FNDC3B: variants seen among roughly 807,000 people sequenced by gnomAD.
FNDC3B encodes fibronectin type III domain-containing protein 3B.
Under a neutral mutation model 151.5 loss-of-function variants are expected in FNDC3B, and 12 were observed. The ratio of observed to expected loss-of-function variants is 0.08; its 90% CI spans 0.05 to 0.13. The LOEUF (loss-of-function observed/expected upper bound fraction) is 0.13. Ranked by LOEUF, FNDC3B falls within the 10% of genes least tolerant of loss-of-function variation. The pLI, the probability that FNDC3B is intolerant of heterozygous loss-of-function variation, is 1.00. For synonymous variants in FNDC3B, 528 were observed against 549.0 expected (o/e 0.96, Z 0.54); for missense variants, 1,214 against 1,505.3 (o/e 0.81, Z 3.20).
chr3:172,198,731 A>G (rs1478327280), intron 3 of FNDC3B, among the ~76,000 whole-genome samples: 1 of 152,162 alleles, frequency 6.6e-6, no homozygotes, highest in African/African-American at 2.4e-5. Context: ...CATCTTCCTT[A>G]TCCCACTCCT....
intron 1 of FNDC3B, among the ~76,000 whole-genome samples, chr3:172,045,317 T>C (rs1184912488): frequency 6.6e-6 from 1 of 152,240 alleles, no homozygotes; most frequent in Non-Finnish European, 1.5e-5. Context: ...AGTTGTACTA[T>C]ACATAAGTTG....
intron 3 of FNDC3B, among the ~76,000 whole-genome samples, chr3:172,154,928 T>G (rs1232389055): frequency 2.6e-5 from 4 of 152,100 alleles, no homozygotes; most frequent in African/African-American, 9.6e-5. Flanking sequence ...AGTCGGGGGC[T>G]GGTGATGTAC....
intron 1 of FNDC3B, among the ~76,000 whole-genome samples, chr3:172,069,174 C>T (rs1338302001): frequency 2.0e-5 from 3 of 152,160 alleles, no homozygotes; most frequent in Admixed American, 2.0e-4. Context: ...CGGTGAGTTT[C>T]GCCAGGGCTT....
chr3:172,292,214 T>C (rs958838373), intron 7 of FNDC3B, among the ~76,000 whole-genome samples: 2 of 152,152 alleles, frequency 1.3e-5, no homozygotes, highest in African/African-American at 4.8e-5. Context: ...ATCATCATGA[T>C]CTGGGTGTCA....
intron 2 of FNDC3B, among the ~76,000 whole-genome samples, chr3:172,121,419 G>GT (rs917582478): frequency 3.7e-4 from 56 of 152,004 alleles, no homozygotes; most frequent in African/African-American, 1.3e-3. Flanking sequence ...GTTTTGTTTT[G>GT]TTTTTTGGCT....
intron 7 of FNDC3B, among the ~76,000 whole-genome samples, chr3:172,294,806 C>T (rs1268184643): frequency 1.3e-5 from 2 of 152,150 alleles, no homozygotes; most frequent in African/African-American, 4.8e-5. Context: ...AAATCTGAAG[C>T]AGAGGCTAAA....
chr3:172,367,398 G>A lies in FNDC3B; in HGVS notation c.3008+4553G>A, dbSNP rs575206553. ...CAAACAATAAGCAGACAGTAAAACA[G>A]ACAGCAGACAGCAAAACAAAAATTA... On this transcript the variant is annotated intron_variant, in intron 23 of 25. Coordinates refer to ENST00000415807, the MANE Select transcript of FNDC3B (RefSeq NM_022763.4). 2.0e-5 allele frequency among the ~76,000 whole-genome samples: 3 copies of A among 150,614 alleles called. No homozygotes were observed. In the South Asian group the frequency reaches 6.2e-4, roughly 31 times the overall value.
In FNDC3B at chr3:172,334,946, G is replaced by A; in HGVS notation, c.1644G>A (p.Leu548=). 6.2e-7 allele frequency: 1 copy of A among 1,611,826 alleles called. No homozygotes were observed. ...ACGTTTCCTTGGTTGTGTTCTAGCT[G>A]ACTGCTTCTAATACGGAAGGAAAAA... ...LKRSTQYKFR[L]TASNTEGKSC... is the part of the protein sequence containing the mutation. Residue 548 remains leucine, a splice_region_variant and synonymous_variant, in exon 15 of 26, where the codon CTG becomes CTA. Coordinates refer to ENST00000415807, the MANE Select transcript of FNDC3B (RefSeq NM_022763.4).
intron 25 of FNDC3B, among the ~76,000 whole-genome samples, chr3:172,388,733 G>A (rs1686278430): frequency 6.6e-6 from 1 of 152,176 alleles, no homozygotes. Context: ...GCATCATGGG[G>A]CTCCCCTTCC....
At chr3:172,077,799 TA>T (rs1718089047) in intron 1 of FNDC3B, among the ~76,000 whole-genome samples, 1 of 152,202 alleles carries the variant, frequency 6.6e-6, no homozygotes, top group Non-Finnish European at 1.5e-5. Context: ...ACTGGAATAG[TA>T]TTTGGCATTA....
chr3:172,063,745 C>G (rs8179884), intron 1 of FNDC3B, among the ~76,000 whole-genome samples: 102,047 of 152,008 alleles, frequency 0.67, 34,488 homozygotes, highest in East Asian at 0.74. Context: ...AGAGTAGGAC[C>G]ATCTCTAATG....
rs1157914900 is a variant in FNDC3B at position 172,362,626 on chromosome 3, T to C, written c.2796-7T>C. 1.9e-6 allele frequency: 3 copies of C among 1,609,534 alleles called. No homozygotes were observed. Among genetic ancestry groups the C allele is most frequent in the Non-Finnish European group, 2.5e-6 (3 of 1,176,512 alleles). ...CATTGTCTGTATTTTTTTTTTCCTTTCTCTAGGATCAGAATTCAGGCTATA... is the reference window on the plus strand; with the variant it reads ...CATTGTCTGTATTTTTTTTTTCCTTCCTCTAGGATCAGAATTCAGGCTATA... On this transcript the variant is annotated splice_polypyrimidine_tract_variant and splice_region_variant and intron_variant, in intron 22 of 25. Transcript: ENST00000415807.
intron 2 of FNDC3B, among the ~76,000 whole-genome samples, chr3:172,117,574 A>G (rs753121602): frequency 9.9e-5 from 15 of 152,216 alleles, no homozygotes; most frequent in Non-Finnish European, 1.8e-4. Context: ...GTGTCGACAT[A>G]GGGTGGCAGA....
chr3:172,316,071 A>G (rs1331640428), intron 11 of FNDC3B, among the ~76,000 whole-genome samples: 1 of 143,414 alleles, frequency 7.0e-6, no homozygotes, highest in Admixed American at 7.7e-5. Context: ...GCAACGGCAC[A>G]ATCTCAGCTC....
chr3:172,057,195 G>A (rs2108466458), intron 1 of FNDC3B, among the ~76,000 whole-genome samples: 1 of 152,236 alleles, frequency 6.6e-6, no homozygotes, highest in Non-Finnish European at 1.5e-5. Flanking sequence ...TTTTTTAAGA[G>A]CGATCAGGTC....
chr3:172,214,658 T>C (rs1725891356), intron 3 of FNDC3B, among the ~76,000 whole-genome samples: 1 of 150,396 alleles, frequency 6.6e-6, no homozygotes, highest in African/African-American at 2.5e-5. Context: ...ATTTGGTTCA[T>C]TTTTTTTTCC....
intron 23 of FNDC3B, among the ~76,000 whole-genome samples, chr3:172,367,501 C>T (rs994205580): frequency 6.6e-6 from 1 of 152,134 alleles, no homozygotes; most frequent in East Asian, 1.9e-4. Flanking sequence ...TCTTTGGTTC[C>T]CGTGTTATAC....
intron 4 of FNDC3B, among the ~76,000 whole-genome samples, chr3:172,237,789 C>A (rs1727243390): frequency 6.6e-6 from 1 of 152,192 alleles, no homozygotes; most frequent in South Asian, 2.1e-4. Context: ...CTGTTTGAGA[C>A]AGACAATTGT....
chr3:172,196,397 G>C (rs1724834228), intron 3 of FNDC3B, among the ~76,000 whole-genome samples: 1 of 151,940 alleles, frequency 6.6e-6, no homozygotes. Context: ...CTGTTGCCTA[G>C]GCTGGTCTCA....
Sources: gnomAD v4.1 joint callset for allele counts (sites outside exome capture counted in the v4.1 genomes callset) on GRCh38, gnomAD v4.1.1 for gene constraint, MANE v1.5 for transcripts, NCBI Gene and HGNC (gene_info 2026-07-23, HGNC 2026-07-21) for gene names.